Variants in HERC3 observed in about 807,000 individuals in gnomAD.
HERC3 encodes HECT and RLD domain containing E3 ubiquitin protein ligase 3.
HERC3 carries 58 observed loss-of-function variants against 129.9 expected under a neutral mutation model. The observed-to-expected ratio is 0.45, with a 90% CI of 0.36 to 0.56. The LOEUF (loss-of-function observed/expected upper bound fraction) is 0.56, where lower values mean the gene tolerates loss of function less well. Among genes scored for constraint, HERC3 ranks in the 20% least tolerant of loss-of-function variants. The probability of loss-of-function intolerance (pLI) is 0.00; values close to 1 mark genes in which losing one functional copy is unlikely to be tolerated. For missense variants in HERC3, 835 were observed against 1,244.2 expected (o/e 0.67, Z 4.95); for synonymous variants, 430 against 451.0 (o/e 0.95, Z 0.59).
At chr4:88,611,822 A>C (rs1724359460) in intron 3 of HERC3, among the ~76,000 whole-genome samples, 1 of 152,350 alleles carries the variant, frequency 6.6e-6, no homozygotes, top group South Asian at 2.1e-4. Flanking sequence ...GTCCACCAGC[A>C]TGGGTATGGT....
chr4:88,608,458 G>A (rs1343341490), intron 3 of HERC3, among the ~76,000 whole-genome samples: 8 of 152,126 alleles, frequency 5.3e-5, no homozygotes, highest in Non-Finnish European at 1.5e-5. Flanking sequence ...CATGTACAGT[G>A]CACTCAATAC....
At chr4:88,647,501 C>T (rs988032539) in intron 3 of HERC3, among the ~76,000 whole-genome samples, 5 of 152,034 alleles carry the variant, frequency 3.3e-5, no homozygotes, top group Non-Finnish European at 5.9e-5. Context: ...CACCTGGGCT[C>T]CTTTGATAGC....
At chr4:88,681,720 AT>A (rs1305233871) in intron 21 of HERC3, among the ~76,000 whole-genome samples, 2 of 152,210 alleles carry the variant, frequency 1.3e-5, no homozygotes, top group Non-Finnish European at 2.9e-5. Flanking sequence ...AGATACACAT[AT>A]TTTGGGGGTA....
At chr4:88,700,090 CTTT>C (rs34838725) in intron 23 of HERC3, among the ~76,000 whole-genome samples, 1 of 145,086 alleles carries the variant, frequency 6.9e-6, no homozygotes, top group Admixed American at 7.0e-5. Flanking sequence ...TTGAGCCTGG[CTTT>C]TTTTTTTTAC....
chr4:88,573,968 A>C, the HERC3 span, among the ~76,000 whole-genome samples: 5 of 152,212 alleles, frequency 3.3e-5, no homozygotes, highest in African/African-American at 1.2e-4. Flanking sequence ...AGTAGAACTA[A>C]AACCCTTCTT....
At chr4:88,697,854 G>A (rs961426274) in intron 23 of HERC3, 5 of 1,469,618 alleles carry the variant, frequency 3.4e-6, no homozygotes, top group Non-Finnish European at 2.7e-6. Context: ...TGGCGGTGAC[G>A]TGCGGCCGCG....
At chr4:88,686,243 G>T (rs759848103) in intron 21 of HERC3, among the ~76,000 whole-genome samples, 4 of 152,106 alleles carry the variant, frequency 2.6e-5, no homozygotes, top group Admixed American at 2.0e-4. Context: ...GGCACCCCTG[G>T]TCTTTACCAT....
intron 23 of HERC3, chr4:88,689,909 C>G (rs1733896543): frequency 2.8e-6 from 2 of 717,266 alleles, no homozygotes; most frequent in Non-Finnish European, 3.4e-6. Context: ...CGACTCGAAG[C>G]TAGTATGATC....
chr4:88,697,593 C>T lies in HERC3; in HGVS notation c.2658-6505C>T, dbSNP rs762878363. 5 of 1,614,040 alleles carry T rather than the reference C, an allele frequency of 3.1e-6. No homozygotes were observed. The Admixed American group carries it at 8.3e-5, about 27-fold the overall frequency. On this transcript the variant is annotated intron_variant, in intron 23 of 25. Coordinates refer to ENST00000402738, the MANE Select transcript of HERC3 (RefSeq NM_014606.3). ...GGGCATTCTCTGCAGGGGTCTGGGG[C>T]TCCTCAGCCATCTGACCAGCCGCGC...
At chr4:88,705,831 A>G (rs1735730539) in intron 25 of HERC3, among the ~76,000 whole-genome samples, 1 of 152,220 alleles carries the variant, frequency 6.6e-6, no homozygotes, top group Admixed American at 6.5e-5. Context: ...AGGACTTAAC[A>G]GGTTCTGCTG....
chr4:88,629,120 T>C (rs1024524490), intron 3 of HERC3, among the ~76,000 whole-genome samples: 1 of 152,218 alleles, frequency 6.6e-6, no homozygotes, highest in Non-Finnish European at 1.5e-5. Context: ...ATTGTGCCGC[T>C]GTACTCCAGC....
chr4:88,561,128 T>C, the HERC3 span, among the ~76,000 whole-genome samples: 2 of 152,084 alleles, frequency 1.3e-5, no homozygotes, highest in African/African-American at 4.8e-5. Context: ...AGGAATGCCA[T>C]TGGGATTTTG....
chr4:88,654,183 T>G, intron 7 of HERC3, 50 bp downstream of exon 7: 1 of 1,242,928 alleles, frequency 8.0e-7, no homozygotes, highest in Non-Finnish European at 1.2e-6. Flanking sequence ...TGATGGGTGA[T>G]TAGAATTGCT....
chr4:88,565,767 T>A, the HERC3 span, among the ~76,000 whole-genome samples: 1 of 150,330 alleles, frequency 6.7e-6, no homozygotes, highest in African/African-American at 2.5e-5. Flanking sequence ...TTTTGTTGTT[T>A]AATAAAGATT....
chr4:88,680,555 A>C (rs530449801), intron 20 of HERC3, among the ~76,000 whole-genome samples: 22 of 152,346 alleles, frequency 1.4e-4, no homozygotes, highest in Admixed American at 1.4e-3. Flanking sequence ...AATATGTCTG[A>C]TATTAATAAC....
rs528505309 is a variant in HERC3 at position 88,689,868 on chromosome 4, G to A, written c.2657+2569G>A. On this transcript the variant is annotated intron_variant, in intron 23 of 25. Coordinates refer to ENST00000402738, the MANE Select transcript of HERC3 (RefSeq NM_014606.3). ...GCTGGGATTACAGGCATGAGCCACC[G>A]CTCCTGGCCCATCCTTGACATTTTA... 3.5e-5 allele frequency: 15 copies of A among 427,250 alleles called. No homozygotes were observed. The East Asian group carries it at 6.5e-4, about 18-fold the overall frequency. 26.5% of individuals were successfully genotyped at this position (427,250 alleles called of 1,614,324 possible).
chr4:88,585,943 G>T, the HERC3 span, among the ~76,000 whole-genome samples: 10 of 152,170 alleles, frequency 6.6e-5, no homozygotes, highest in African/African-American at 1.9e-4. Context: ...AAGGGGGCTA[G>T]AGAGAAGCCA....
chr4:88,595,892 A>T (rs1398192023), intron 2 of HERC3, among the ~76,000 whole-genome samples: 1 of 118,640 alleles, frequency 8.4e-6, no homozygotes, highest in African/African-American at 3.3e-5. Flanking sequence ...GCTGTCGCCC[A>T]CGCTGGAGTG....
chr4:88,678,934 T>G (rs1434718909), intron 19 of HERC3, among the ~76,000 whole-genome samples: 2 of 152,212 alleles, frequency 1.3e-5, no homozygotes, highest in Non-Finnish European at 2.9e-5. Flanking sequence ...CTGTTTTCAA[T>G]AGGTAATTCA....
Sources: allele counts gnomAD v4.1 joint callset (sites outside exome capture counted in the v4.1 genomes callset), GRCh38; gene constraint gnomAD v4.1.1; transcripts MANE v1.5; gene names NCBI Gene and HGNC (gene_info 2026-07-23, HGNC 2026-07-21).